SAMMSON: variants seen among roughly 807,000 people sequenced by gnomAD.
The protein encoded by SAMMSON is long intergenic non-protein coding RNA 1212.
At chr3:70,284,729 A>G (rs1468678722) in intron 6 of SAMMSON, among the ~76,000 whole-genome samples, 1 of 152,126 alleles carries the variant, frequency 6.6e-6, no homozygotes, top group African/African-American at 2.4e-5. Context: ...GAAACAACAC[A>G]CACTGGGGCC....
intron 7 of SAMMSON, among the ~76,000 whole-genome samples, chr3:70,297,485 A>G (rs766895163): frequency 6.6e-6 from 1 of 152,124 alleles, no homozygotes; most frequent in Admixed American, 6.6e-5. Context: ...TGACAAATTT[A>G]TATAATCTCT....
chr3:70,294,054 C>G (rs1263639174), intron 7 of SAMMSON, among the ~76,000 whole-genome samples: 1 of 152,086 alleles, frequency 6.6e-6, no homozygotes, highest in African/African-American at 2.4e-5. Context: ...ATTAAGGATA[C>G]AGCTTGGCTT....
chr3:70,095,086 G>A (rs934572714), intron 4 of SAMMSON, among the ~76,000 whole-genome samples: 8 of 152,124 alleles, frequency 5.3e-5, no homozygotes, highest in Admixed American at 1.3e-4. Context: ...GCTAGTAAGC[G>A]TCATCACCTC....
intron 4 of SAMMSON, among the ~76,000 whole-genome samples, chr3:70,215,999 A>G (rs549582735): frequency 6.6e-6 from 1 of 152,106 alleles, no homozygotes; most frequent in African/African-American, 2.4e-5. Context: ...CAACATTTGC[A>G]TTGATATCTG....
At chr3:70,221,873 T>C (rs1038434469) in intron 4 of SAMMSON, among the ~76,000 whole-genome samples, 7 of 152,194 alleles carry the variant, frequency 4.6e-5, no homozygotes, top group African/African-American at 1.7e-4. Flanking sequence ...TTACTTTCAA[T>C]TGGAAAAACC....
At chr3:70,375,207 T>C (rs2542483) in intron 9 of SAMMSON, among the ~76,000 whole-genome samples, 83,367 of 151,870 alleles carry the variant, frequency 0.55, 23,126 homozygotes, top group East Asian at 0.6. Flanking sequence ...ATTTTATCTC[T>C]TTATTTCTCT....
chr3:70,104,385 A>G (rs1328988676), intron 4 of SAMMSON, among the ~76,000 whole-genome samples: 1 of 151,990 alleles, frequency 6.6e-6, no homozygotes, highest in African/African-American at 2.4e-5. Context: ...TTAACCAGTG[A>G]GTGAAATCAT....
chr3:70,426,012 A>G (rs1213375305), intron 2 of SAMMSON, among the ~76,000 whole-genome samples: 2 of 152,240 alleles, frequency 1.3e-5, no homozygotes, highest in Non-Finnish European at 2.9e-5. Flanking sequence ...AAAACTTAAC[A>G]GAAGCAATAT....
rs193242356 is a variant in SAMMSON at position 70,100,735 on chromosome 3, T to G, written n.507+29170T>G. On this transcript the variant is annotated intron_variant and non_coding_transcript_variant, in intron 4 of 9. Transcript: ENST00000642114. ...AGGACATGCATTGGGACATCTATTATTTTGAAGCTGGGATCTAGCCCAACT... is the reference window on the plus strand; with the variant it reads ...AGGACATGCATTGGGACATCTATTAGTTTGAAGCTGGGATCTAGCCCAACT... Among the ~76,000 whole-genome samples the G allele has an allele frequency of 2.6e-5, 4 of 152,294 alleles. No homozygotes were observed. The East Asian group carries it at 7.7e-4, about 29-fold the overall frequency.
chr3:70,059,854 T>C (rs73836037), intron 3 of SAMMSON, among the ~76,000 whole-genome samples: 2,835 of 152,208 alleles, frequency 0.019, 88 homozygotes, highest in African/African-American at 0.063. Context: ...TTCATTTGTC[T>C]TACAAATATT....
At chr3:70,047,814 A>T (rs2067132442) in intron 3 of SAMMSON, among the ~76,000 whole-genome samples, 1 of 152,140 alleles carries the variant, frequency 6.6e-6, no homozygotes, top group Non-Finnish European at 1.5e-5. Context: ...CGGAAGGGCA[A>T]GAGAGCGTGA....
At chr3:70,146,292 C>T (rs113131571) in intron 4 of SAMMSON, among the ~76,000 whole-genome samples, 2,153 of 152,010 alleles carry the variant, frequency 0.014, 39 homozygotes, top group African/African-American at 0.047. Flanking sequence ...TCTTGAGAAG[C>T]GGAGAAAATA....
chr3:70,191,653 C>G (rs182806751), intron 4 of SAMMSON, among the ~76,000 whole-genome samples: 1 of 152,178 alleles, frequency 6.6e-6, no homozygotes, highest in African/African-American at 2.4e-5. Context: ...AAAACATTTA[C>G]TACCAGTGAA....
intron 8 of SAMMSON, among the ~76,000 whole-genome samples, chr3:70,357,664 T>C (rs1001334454): frequency 6.6e-6 from 1 of 151,856 alleles, no homozygotes; most frequent in African/African-American, 2.4e-5. Context: ...TGTATACTTA[T>C]GGAACAAAAC....
intron 6 of SAMMSON, among the ~76,000 whole-genome samples, chr3:70,289,945 C>G (rs1307563627): frequency 6.6e-6 from 1 of 151,998 alleles, no homozygotes; most frequent in Non-Finnish European, 1.5e-5. Context: ...ATTGGTTATT[C>G]TAGTTATACA....
intron 6 of SAMMSON, among the ~76,000 whole-genome samples, chr3:70,259,655 T>G (rs2106660246): frequency 6.6e-6 from 1 of 152,312 alleles, no homozygotes; most frequent in South Asian, 2.1e-4. Context: ...TGTAAGGTCT[T>G]CATCAGTGGG....
intron 7 of SAMMSON, among the ~76,000 whole-genome samples, chr3:70,316,758 G>T (rs1278002742): frequency 6.6e-6 from 1 of 152,004 alleles, no homozygotes; most frequent in East Asian, 1.9e-4. Flanking sequence ...AACACCACAA[G>T]GCATGCGAAT....
At chr3:70,025,809 G>A (rs576211338) in intron 3 of SAMMSON, among the ~76,000 whole-genome samples, 6 of 152,004 alleles carry the variant, frequency 3.9e-5, no homozygotes, top group Admixed American at 6.6e-5. Context: ...TACTGTATTC[G>A]TACAATAAAG....
chr3:70,192,804 G>A (rs987135372), intron 4 of SAMMSON, among the ~76,000 whole-genome samples: 5 of 152,072 alleles, frequency 3.3e-5, no homozygotes, highest in African/African-American at 1.2e-4. Context: ...AAGTTGACTC[G>A]GCATCCTGTG....
Sources: allele counts gnomAD v4.1 joint callset (sites outside exome capture counted in the v4.1 genomes callset), GRCh38; gene constraint gnomAD v4.1.1; transcripts MANE v1.5; gene names NCBI Gene and HGNC (gene_info 2026-07-23, HGNC 2026-07-21).